The following COL11A1 variants were observed in gnomAD, a reference collection of about 807,000 sequenced individuals.
The protein encoded by COL11A1 is collagen type XI alpha 1 chain.
A neutral mutation model predicts 265.2 loss-of-function variants in COL11A1; 74 were observed. The ratio of observed to expected loss-of-function variants is 0.28; its 90% confidence interval spans 0.23 to 0.34. The LOEUF (loss-of-function observed/expected upper bound fraction) is 0.34, where lower values mean the gene tolerates loss of function less well. Ranked by LOEUF, COL11A1 falls within the 10% of genes least tolerant of loss-of-function variation. The probability of loss-of-function intolerance (pLI) is 1.00; values close to 1 mark genes in which losing one functional copy is unlikely to be tolerated. For missense variants in COL11A1, 2,165 were observed against 2,263.6 expected (o/e 0.96, Z 0.88); for synonymous variants, 816 against 727.6 (o/e 1.12, Z -1.96).
intron 4 of COL11A1, among the ~76,000 whole-genome samples, chr1:103,045,832 T>C (rs187238655): frequency 3.4e-4 from 51 of 151,082 alleles, no homozygotes; most frequent in African/African-American, 1.2e-3. Flanking sequence ...TGTGTTCTTA[T>C]TATTCAATTC....
At chr1:102,892,759 T>C (rs1355116945) in intron 57 of COL11A1, among the ~76,000 whole-genome samples, 1 of 152,186 alleles carries the variant, frequency 6.6e-6, no homozygotes, top group African/African-American at 2.4e-5. Flanking sequence ...TTTTAATTCA[T>C]AACTGAATTT....
At position 103,031,244 on chromosome 1, in the gene COL11A1, C is replaced by A; in HGVS notation, c.652G>T (p.Gly218Trp). ...GTGATCAAAAACTGCTGAATGTCCC[C>A]CTGGGAAAAAAAAAAAAACAAAAAC... is the stretch of plus-strand genomic sequence containing the variant. ...TRILDEEVFE[G>W]DIQQFLITGD... Residue 218 changes from glycine (G) to tryptophan (W), a missense_variant and splice_region_variant, in exon 5 of 67, where the codon GGG becomes TGG. By Grantham distance (184) the Gly-to-Trp change is radical. Transcript: ENST00000370096. 1 of 1,492,880 alleles carries A rather than the reference C, an allele frequency of 6.7e-7. No individual in the cohort carries two copies. The highest frequency in any genetic ancestry group is 1.2e-5 in the South Asian group (1 of 86,542). The allele number at this position is 1,492,880 out of a possible 1,614,324, so 92.5% of individuals were successfully genotyped here.
chr1:103,108,032 C>G (rs1406131997), intron 1 of COL11A1, 41 bp downstream of exon 1: 4 of 1,475,474 alleles, frequency 2.7e-6, no homozygotes, highest in South Asian at 1.1e-5. Context: ...GCAGTAGGAC[C>G]GACGGCAATC....
chr1:102,988,313 G>A (rs936794624), intron 29 of COL11A1, among the ~76,000 whole-genome samples: 2 of 151,986 alleles, frequency 1.3e-5, no homozygotes, highest in Non-Finnish European at 2.9e-5. Context: ...TCATTTCCTA[G>A]CCTCCTGCTC....
At chr1:103,043,106 G>A (rs1219307086) in intron 4 of COL11A1, among the ~76,000 whole-genome samples, 1 of 143,328 alleles carries the variant, frequency 7.0e-6, no homozygotes, top group Admixed American at 7.2e-5. Context: ...TATATATAAT[G>A]AATACCTGAA....
chr1:103,064,419 G>A lies in COL11A1; in HGVS notation c.651+10199C>T, dbSNP rs148060177. Among the ~76,000 whole-genome samples, 696 of 152,194 alleles carry A rather than the reference G, an allele frequency of 4.6e-3. 11 individuals carry two copies. The highest frequency in any genetic ancestry group is 0.016 in the African/African-American group (677 of 41,520). On this transcript the variant is annotated intron_variant, in intron 4 of 66. Coordinates refer to ENST00000370096, the MANE Select transcript of COL11A1 (RefSeq NM_001854.4). The stretch of plus-strand genomic sequence containing the variant: ...AAATACATAGAAGAGGGCCAGGCGC[G>A]GTGGCTCATGCCTGTAATCCCAGCA...
intron 23 of COL11A1, 45 bp downstream of exon 23, chr1:103,002,383 T>C: frequency 6.7e-7 from 1 of 1,487,170 alleles, no homozygotes; most frequent in Non-Finnish European, 9.3e-7. Flanking sequence ...AAAGATAGCA[T>C]CTTCCCCCCA....
intron 3 of COL11A1, among the ~76,000 whole-genome samples, chr1:103,076,265 A>G (rs1671964795): frequency 6.6e-6 from 1 of 152,092 alleles, no homozygotes; most frequent in South Asian, 2.1e-4. Flanking sequence ...TATAAACAGA[A>G]TCCAATATCT....
chr1:103,031,041 T>C, intron 5 of COL11A1, 75 bp downstream of exon 5: 1 of 1,507,142 alleles, frequency 6.6e-7, no homozygotes, highest in Non-Finnish European at 9.2e-7. Context: ...AATAAATAAG[T>C]ATAAGTTCAA....
At chr1:102,898,594 A>G in intron 56 of COL11A1, 72 bp downstream of exon 56, 1 of 1,121,232 alleles carries the variant, frequency 8.9e-7, no homozygotes, top group Non-Finnish European at 1.3e-6. Flanking sequence ...TAACATAGAC[A>G]CCTTCATTCA....
At chr1:103,069,098 A>C (rs1671372606) in intron 4 of COL11A1, among the ~76,000 whole-genome samples, 1 of 151,808 alleles carries the variant, frequency 6.6e-6, no homozygotes, top group East Asian at 1.9e-4. Flanking sequence ...AAAATGACCC[A>C]AAATTGCTAC....
intron 49 of COL11A1, among the ~76,000 whole-genome samples, chr1:102,918,642 G>A (rs1240813652): frequency 6.7e-6 from 1 of 150,112 alleles, no homozygotes; most frequent in Non-Finnish European, 1.5e-5. Flanking sequence ...CTATCGTGCT[G>A]TCACATAAAA....
chr1:102,999,543 T>A (rs1264840941), intron 24 of COL11A1, among the ~76,000 whole-genome samples: 2 of 151,812 alleles, frequency 1.3e-5, no homozygotes, highest in Non-Finnish European at 2.9e-5. Context: ...ATATCACAAT[T>A]TATCATAGGA....
At chr1:103,043,024 TG>T (rs1668942941) in intron 4 of COL11A1, among the ~76,000 whole-genome samples, 1 of 144,100 alleles carries the variant, frequency 6.9e-6, no homozygotes, top group Admixed American at 7.1e-5. Flanking sequence ...GAAATATATA[TG>T]ATATATATTA....
At chr1:103,008,402 A>G in intron 15 of COL11A1, 61 bp downstream of exon 15, 1 of 1,381,176 alleles carries the variant, frequency 7.2e-7, no homozygotes. Context: ...GCATTCTCGA[A>G]GGAATTATGC....
Position 103,049,590 on chromosome 1 carries a change from C to T in COL11A1, c.652-18346G>A, listed in dbSNP as rs545683272. Among the ~76,000 whole-genome samples the T allele has an allele frequency of 7.9e-5, 12 of 152,174 alleles. No individual in the cohort carries two copies. In the South Asian group the frequency reaches 1.5e-3, roughly 18 times the overall value. On this transcript the variant is annotated intron_variant, in intron 4 of 66. Transcript: ENST00000370096. ...TGTGTCTTTTAATTGGAGCATTTAGCCCATTTACATTCAAAGTTAATATCG... is the reference window on the plus strand; with the variant it reads ...TGTGTCTTTTAATTGGAGCATTTAGTCCATTTACATTCAAAGTTAATATCG...
At chr1:103,005,631 T>G (rs907490426) in intron 18 of COL11A1, among the ~76,000 whole-genome samples, 1 of 152,228 alleles carries the variant, frequency 6.6e-6, no homozygotes, top group Non-Finnish European at 1.5e-5. Flanking sequence ...ATAAAAGGAA[T>G]ATTATAATGT....
chr1:102,898,633 T>C (rs1183467707), intron 56 of COL11A1, 33 bp downstream of exon 56: 1 of 1,574,166 alleles, frequency 6.4e-7, no homozygotes, highest in South Asian at 1.1e-5. Context: ...AATGTTATTT[T>C]CAAAATGGCA....
chr1:102,938,928 A>G (rs1008211447), intron 44 of COL11A1, 107 bp downstream of exon 44: 1 of 907,976 alleles, frequency 1.1e-6, no homozygotes, highest in Non-Finnish European at 1.8e-6. Context: ...TATTGGTATT[A>G]TAAGTATTGG....
Sources: allele counts gnomAD v4.1 joint callset (sites outside exome capture counted in the v4.1 genomes callset), GRCh38; gene constraint gnomAD v4.1.1; transcripts MANE v1.5; gene names NCBI Gene and HGNC (gene_info 2026-07-23, HGNC 2026-07-21).